P3H2: variants seen among roughly 807,000 people sequenced by gnomAD.
P3H2 encodes leprecan-like 1.
In P3H2, 80 loss-of-function variants were observed where a neutral mutation model predicts 87.0. The observed-to-expected ratio is 0.92, with a 90% confidence interval of 0.77 to 1.11. P3H2 has a LOEUF of 1.11. Ranked by LOEUF, P3H2 falls within the 50% of genes least tolerant of loss-of-function variation. The probability of loss-of-function intolerance (pLI) is 0.00; values close to 1 mark genes in which losing one functional copy is unlikely to be tolerated. For missense variants in P3H2, 1,001 were observed against 923.9 expected (o/e 1.08, Z -1.08); for synonymous variants, 367 against 359.3 (o/e 1.02, Z -0.24).
At chr3:190,063,754 C>G (rs948123846) in intron 1 of P3H2, among the ~76,000 whole-genome samples, 1 of 152,014 alleles carries the variant, frequency 6.6e-6, no homozygotes, top group Non-Finnish European at 1.5e-5. Context: ...TTAGAGACTT[C>G]CGAGCTGCCT....
At chr3:190,095,745 C>A (rs1004792566) in intron 1 of P3H2, among the ~76,000 whole-genome samples, 1 of 151,780 alleles carries the variant, frequency 6.6e-6, no homozygotes, top group Non-Finnish European at 1.5e-5. Context: ...GGACTACAGG[C>A]GCCCGCCACC....
intron 1 of P3H2, among the ~76,000 whole-genome samples, chr3:190,114,720 C>CA (rs1712223740): frequency 1.3e-5 from 2 of 151,832 alleles, no homozygotes; most frequent in African/African-American, 2.4e-5. Context: ...GGTTTAAGCA[C>CA]AAAAAAGTGT....
chr3:190,069,650 C>T (rs1726629502), intron 1 of P3H2, among the ~76,000 whole-genome samples: 1 of 152,072 alleles, frequency 6.6e-6, no homozygotes, highest in Admixed American at 6.6e-5. Context: ...GTCAAAGAAC[C>T]AACAAACAAA....
chr3:189,959,268 A>C (rs1722736343), intron 14 of P3H2, among the ~76,000 whole-genome samples: 1 of 146,890 alleles, frequency 6.8e-6, no homozygotes, highest in African/African-American at 2.5e-5. Context: ...ATTTTTTATT[A>C]TTATACTTTA....
chr3:190,012,207 GGTGTGTGTGTGTGTGT>G (rs3062120), intron 1 of P3H2, among the ~76,000 whole-genome samples: 4 of 145,584 alleles, frequency 2.7e-5, no homozygotes, highest in Admixed American at 6.8e-5. Context: ...TGTAGGTAAA[GGTGTGTGTGTGTGTGT>G]GTGTGTGTGT....
rs543677557 is a variant in P3H2, at chr3:190,029,143, T to C, written c.481-33701A>G. On this transcript the variant is annotated intron_variant, in intron 1 of 14. Coordinates refer to ENST00000319332, the MANE Select transcript of P3H2 (RefSeq NM_018192.4). ...CTCTTAAGAGTTCGAGTGGGGGTGG[T>C]TAGTATTTATTAAGTGTCCATTGAG... 3.3e-5 allele frequency among the ~76,000 whole-genome samples: 5 copies of C among 152,280 alleles called. 1 individual carries two copies. The East Asian group carries it at 9.6e-4, about 29-fold the overall frequency.
intron 1 of P3H2, among the ~76,000 whole-genome samples, chr3:190,063,990 CTTTTT>C (rs770967128): frequency 8.0e-5 from 10 of 124,224 alleles, no homozygotes; most frequent in African/African-American, 2.5e-4. Flanking sequence ...TTAGAATAAA[CTTTTT>C]TTTTTTTTTT....
At chr3:190,070,222 G>A (rs1299056403) in intron 1 of P3H2, among the ~76,000 whole-genome samples, 4 of 151,994 alleles carry the variant, frequency 2.6e-5, no homozygotes, top group Admixed American at 6.6e-5. Flanking sequence ...TATTATTATT[G>A]TTATCATTAT....
intron 1 of P3H2, among the ~76,000 whole-genome samples, chr3:190,048,621 G>A (rs1725879944): frequency 6.6e-6 from 1 of 152,094 alleles, no homozygotes; most frequent in African/African-American, 2.4e-5. Context: ...ACAAACAAAT[G>A]AAAACAAAGT....
At position 189,957,766 on chromosome 3, in the gene P3H2, C is replaced by A; in HGVS notation, c.*146G>T. The A allele has an allele frequency of 1.5e-6, 1 of 654,152 alleles. No individual in the cohort carries two copies. Among genetic ancestry groups the A allele is most frequent in the Non-Finnish European group, 2.7e-6 (1 of 370,480 alleles). The allele number at this position is 654,152 out of a possible 1,614,324, so 40.5% of individuals were successfully genotyped here. A position where few individuals can be genotyped will look rare whatever the true frequency, so the allele number is the denominator to read the frequency against. The stretch of plus-strand genomic sequence containing the variant: ...AGAAAGATAGATTGATAGATTGAGG[C>A]AACACAAGCATCCTTAGGAAGAGAA... On this transcript the variant is annotated 3_prime_UTR_variant, in exon 15 of 15. Transcript: ENST00000319332.
At chr3:189,981,774 G>T (rs1241245301) in intron 8 of P3H2, among the ~76,000 whole-genome samples, 2 of 152,170 alleles carry the variant, frequency 1.3e-5, no homozygotes, top group Non-Finnish European at 2.9e-5. Flanking sequence ...TTGGCTTATT[G>T]GCATGAACTT....
chr3:190,042,272 C>A (rs1393663458), intron 1 of P3H2, among the ~76,000 whole-genome samples: 1 of 152,114 alleles, frequency 6.6e-6, no homozygotes, highest in Non-Finnish European at 1.5e-5. Context: ...TTTAACTTAT[C>A]CAGTCCACAA....
chr3:190,117,105 C>T (rs1277028303), intron 1 of P3H2, among the ~76,000 whole-genome samples: 2 of 152,208 alleles, frequency 1.3e-5, no homozygotes, highest in Non-Finnish European at 2.9e-5. Flanking sequence ...TGGAAGAATC[C>T]AGACTCCTGA....
rs1441523223 is a variant in P3H2, at chr3:189,957,861, C to T, written c.*51G>A. ...CTCTGTACAAAAATAAAAAGGTTCTCATAAGATTAACAATTTAAATAAATA... is the reference window on the plus strand; with the variant it reads ...CTCTGTACAAAAATAAAAAGGTTCTTATAAGATTAACAATTTAAATAAATA... On this transcript the variant is annotated 3_prime_UTR_variant, in exon 15 of 15. Transcript: ENST00000319332. 7.7e-6 allele frequency: 10 copies of T among 1,293,570 alleles called. No homozygotes were observed. Among genetic ancestry groups the T allele is most frequent in the Non-Finnish European group, 9.0e-6 (8 of 892,916 alleles). 80.1% of individuals were successfully genotyped at this position (1,293,570 alleles called of 1,614,324 possible).
At chr3:190,063,377 T>C (rs1726394195) in intron 1 of P3H2, among the ~76,000 whole-genome samples, 1 of 152,178 alleles carries the variant, frequency 6.6e-6, no homozygotes. Context: ...GAAAAAGGCA[T>C]TTTGCTAAAC....
chr3:190,072,672 C>T (rs1726741028), intron 1 of P3H2, among the ~76,000 whole-genome samples: 1 of 151,376 alleles, frequency 6.6e-6, no homozygotes, highest in African/African-American at 2.4e-5. Context: ...GCTCATATAA[C>T]AGTTATACTA....
At position 189,963,942 on chromosome 3, in the gene P3H2, C is replaced by A. The variant is rs370823745; in HGVS notation, c.2034+16G>T. The A allele has an allele frequency of 1.2e-6, 2 of 1,613,838 alleles. No individual in the cohort carries two copies. The highest frequency in any genetic ancestry group is 2.2e-5 in the East Asian group (1 of 44,880). On this transcript the variant is annotated intron_variant, in intron 14 of 14. Coordinates refer to ENST00000319332, the MANE Select transcript of P3H2 (RefSeq NM_018192.4). ...AAGCAAGCCTAATTGGCTTTCTGGG[C>A]GGGTGAGAAACTCACCAATTCTCTA... is the stretch of plus-strand genomic sequence containing the variant.
At chr3:190,076,859 G>C (rs900902553) in intron 1 of P3H2, among the ~76,000 whole-genome samples, 38 of 152,176 alleles carry the variant, frequency 2.5e-4, no homozygotes, top group African/African-American at 8.4e-4. Flanking sequence ...CAATAATTTT[G>C]ACTACCTCAA....
At position 189,995,811 on chromosome 3, in the gene P3H2, A is replaced by G. The variant is rs147076870; in HGVS notation, c.481-369T>C. 3.8e-3 allele frequency among the ~76,000 whole-genome samples: 583 copies of G among 152,274 alleles called. 5 individuals are homozygous for G. The highest frequency in any genetic ancestry group is 0.014 in the African/African-American group (562 of 41,566). ...AAATGGGCAAAAGATCTGAAATGAC[A>G]TTTCTCAAAAGAAGATATACAATTG... On this transcript the variant is annotated intron_variant, in intron 1 of 14. Transcript: ENST00000319332.
Sources: gnomAD v4.1 joint callset for allele counts (sites outside exome capture counted in the v4.1 genomes callset) on GRCh38, gnomAD v4.1.1 for gene constraint, MANE v1.5 for transcripts, NCBI Gene and HGNC (gene_info 2026-07-23, HGNC 2026-07-21) for gene names.